DCDC1: variants seen among roughly 807,000 people sequenced by gnomAD.
DCDC1 encodes the protein doublecortin domain containing 1.
A neutral mutation model predicts 178.3 loss-of-function variants in DCDC1; 200 were observed. The observed-to-expected ratio is 1.12, with a 90% CI of 1.00 to 1.26. The LOEUF is 1.26. DCDC1 is among the 50% of genes most tolerant of loss of function. DCDC1 has a pLI of 0.00. For missense variants in DCDC1, 1,983 were observed against 1,749.2 expected (o/e 1.13, Z -2.38); for synonymous variants, 690 against 604.8 (o/e 1.14, Z -2.07).
At position 31,175,959 on chromosome 11, in the gene DCDC1, C is replaced by A. The variant is rs554497337; in HGVS notation, c.1222-38175G>T. 8.5e-5 allele frequency among the ~76,000 whole-genome samples: 13 copies of A among 152,220 alleles called. No individual in the cohort carries two copies. In the South Asian group the frequency reaches 2.7e-3, roughly 32 times the overall value. On this transcript the variant is annotated intron_variant, in intron 9 of 38. Transcript: ENST00000684477. ...GAAAAGACAACTATCCCACTAGATG[C>A]ACAGATATCAATGTAGGGACACAAG... is the stretch of plus-strand genomic sequence containing the variant.
At chr11:31,293,410 A>C (rs1400412186) in intron 6 of DCDC1, among the ~76,000 whole-genome samples, 1 of 152,184 alleles carries the variant, frequency 6.6e-6, no homozygotes, top group African/African-American at 2.4e-5. Flanking sequence ...TACAGGCACC[A>C]AGATTTAGAG....
intron 6 of DCDC1, among the ~76,000 whole-genome samples, chr11:31,302,251 C>T (rs1948164652): frequency 6.6e-6 from 1 of 152,142 alleles, no homozygotes; most frequent in South Asian, 2.1e-4. Flanking sequence ...GCATTACTTA[C>T]ATACAGCTCC....
intron 21 of DCDC1, among the ~76,000 whole-genome samples, chr11:30,940,075 A>G (rs868103469): frequency 6.6e-6 from 1 of 152,168 alleles, no homozygotes; most frequent in African/African-American, 2.4e-5. Context: ...TTCTTTTGCA[A>G]TCTTCTGAAT....
intron 1 of DCDC1, among the ~76,000 whole-genome samples, chr11:31,349,320 C>A (rs1181030140): frequency 4.6e-5 from 7 of 152,114 alleles, no homozygotes. Context: ...ACCTTTGTGG[C>A]CCTCCAAATG....
chr11:31,057,926 C>T (rs779880514), intron 20 of DCDC1, among the ~76,000 whole-genome samples: 3 of 152,098 alleles, frequency 2.0e-5, no homozygotes, highest in Non-Finnish European at 4.4e-5. Flanking sequence ...ACCGTAATGA[C>T]TTGTTTAATT....
At chr11:31,273,660 T>C (rs1447949032) in intron 7 of DCDC1, among the ~76,000 whole-genome samples, 1 of 152,200 alleles carries the variant, frequency 6.6e-6, no homozygotes, top group Non-Finnish European at 1.5e-5. Flanking sequence ...CTCTAACTGT[T>C]ACTCAGTTCG....
At chr11:31,290,568 A>G (rs1947151122) in intron 7 of DCDC1, 79 bp downstream of exon 7, 4 of 1,367,142 alleles carry the variant, frequency 2.9e-6, no homozygotes, top group Non-Finnish European at 3.9e-6. Flanking sequence ...ATCGATATTT[A>G]GAAGAAGAAA....
intron 9 of DCDC1, among the ~76,000 whole-genome samples, chr11:31,180,803 G>C (rs996508362): frequency 4.6e-5 from 7 of 152,076 alleles, no homozygotes; most frequent in African/African-American, 1.7e-4. Flanking sequence ...GCTAGCTGCA[G>C]GAGTTTTTTT....
intron 13 of DCDC1, among the ~76,000 whole-genome samples, chr11:31,105,063 C>G (rs1326807222): frequency 6.6e-6 from 1 of 152,050 alleles, no homozygotes; most frequent in African/African-American, 2.4e-5. Context: ...ATTTACTTAA[C>G]ACGTATTGCA....
At chr11:31,240,516 G>A (rs1305847305) in intron 9 of DCDC1, among the ~76,000 whole-genome samples, 5 of 152,058 alleles carry the variant, frequency 3.3e-5, no homozygotes, top group Admixed American at 3.3e-4. Flanking sequence ...GGTGCTGTGT[G>A]AACACTAAGA....
intron 9 of DCDC1, among the ~76,000 whole-genome samples, chr11:31,222,920 A>G (rs540232085): frequency 2.6e-5 from 4 of 152,314 alleles, no homozygotes; most frequent in South Asian, 2.1e-4. Context: ...TATTTGGCCC[A>G]TTGCAAAGAG....
intron 4 of DCDC1, among the ~76,000 whole-genome samples, chr11:31,306,967 A>AATTTTGAT (rs1331280232): frequency 6.6e-6 from 1 of 152,184 alleles, no homozygotes; most frequent in Admixed American, 6.6e-5. Context: ...AGGCAAAACT[A>AATTTTGAT]ATTTTGATAT....
In DCDC1 at chr11:31,167,515, T is replaced by C. The variant is rs116556215; in HGVS notation, c.1222-29731A>G. Among the ~76,000 whole-genome samples the C allele has an allele frequency of 9.9e-3, 1,512 of 152,288 alleles. 27 individuals carry two copies. Among genetic ancestry groups the C allele is most frequent in the African/African-American group, 0.034 (1,416 of 41,556 alleles). Reference sequence around the variant, plus strand: ...TTTACTATTTCCAGAAAAACCACCCTAGGCTAGACTTCAAACTCCTAATCC... The same window carrying C: ...TTTACTATTTCCAGAAAAACCACCCCAGGCTAGACTTCAAACTCCTAATCC... On this transcript the variant is annotated intron_variant, in intron 9 of 38. Transcript: ENST00000684477.
intron 36 of DCDC1, among the ~76,000 whole-genome samples, chr11:30,889,508 T>A (rs1174551155): frequency 6.6e-6 from 1 of 152,210 alleles, no homozygotes; most frequent in African/African-American, 2.4e-5. Context: ...TTGGAGTCAC[T>A]GTCATTAGCC....
chr11:31,252,430 T>C (rs1944105964), intron 8 of DCDC1, among the ~76,000 whole-genome samples: 1 of 152,026 alleles, frequency 6.6e-6, no homozygotes, highest in Non-Finnish European at 1.5e-5. Flanking sequence ...ATTGTGAAAA[T>C]AAATTTGGGG....
Position 30,881,230 on chromosome 11 carries a change from G to A in DCDC1, c.5161C>T (p.Gln1721Ter), listed in dbSNP as rs769838213. The A allele has an allele frequency of 6.8e-6, 11 of 1,613,570 alleles. No individual in the cohort carries two copies. Among genetic ancestry groups the A allele is most frequent in the South Asian group, 1.1e-5 (1 of 91,080 alleles). ...ALYTPSGEPIQSWDDIERDMV... is the reference protein window; with the variant it reads ...ALYTPSGEPI ...TCTCGCTCTATGTCGTCCCAGGACT[G>A]AATTGGCTCTCCACTGGGGGTGTAC... The change falls in exon 37 of 39, where the codon CAG (glutamine) becomes TAG (stop). Residue 1721 changes from glutamine (Q) to a stop codon, truncating the protein, a stop_gained. Transcript: ENST00000684477. LOFTEE classifies it high-confidence loss of function.
intron 20 of DCDC1, among the ~76,000 whole-genome samples, chr11:31,021,806 A>C (rs2135207708): frequency 6.6e-6 from 1 of 152,290 alleles, no homozygotes; most frequent in African/African-American, 2.4e-5. Context: ...CTCTTAAATA[A>C]CTCTGGGAGC....
Position 31,270,810 on chromosome 11 carries a change from A to G in DCDC1, c.961-5210T>C, listed in dbSNP as rs556719437. ...CAAGCATATCATCTTCTCTAACTCT[A>G]GTCATTCTTCCTCAATCTTAGATAA... On this transcript the variant is annotated intron_variant, in intron 7 of 38. Coordinates refer to ENST00000684477, the MANE Select transcript of DCDC1 (RefSeq NM_001387274.1). 5.9e-5 allele frequency among the ~76,000 whole-genome samples: 9 copies of G among 152,276 alleles called. No homozygotes were observed. The East Asian group carries it at 1.7e-3, about 29-fold the overall frequency.
At chr11:31,342,140 C>T (rs752023336) in intron 1 of DCDC1, among the ~76,000 whole-genome samples, 9 of 152,102 alleles carry the variant, frequency 5.9e-5, no homozygotes, top group East Asian at 1.9e-4. Flanking sequence ...TCCTTTTGAA[C>T]GACAGTTAAC....
Sources: allele counts gnomAD v4.1 joint callset (sites outside exome capture counted in the v4.1 genomes callset), GRCh38; gene constraint gnomAD v4.1.1; transcripts MANE v1.5; gene names NCBI Gene and HGNC (gene_info 2026-07-23, HGNC 2026-07-21).